Variants in COL12A1 observed in about 807,000 individuals in gnomAD.
The protein encoded by COL12A1 is collagen type XII alpha 1 chain, also known as collagen alpha-1(XII) chain.
In COL12A1, 114 loss-of-function variants were observed where a neutral mutation model predicts 349.7. The ratio of observed to expected loss-of-function variants is 0.33; its 90% CI spans 0.28 to 0.38. The LOEUF is 0.38. Ranked by LOEUF, COL12A1 falls within the 10% of genes least tolerant of loss-of-function variation. The pLI, the probability that COL12A1 is intolerant of heterozygous loss-of-function variation, is 1.00. For synonymous variants in COL12A1, 1,369 were observed against 1,329.0 expected (o/e 1.03, Z -0.66); for missense variants, 3,284 against 3,756.9 (o/e 0.87, Z 3.29).
At chr6:75,138,726 T>C (rs1766749323) in intron 28 of COL12A1, 96 bp downstream of exon 28, 2 of 1,570,862 alleles carry the variant, frequency 1.3e-6, no homozygotes, top group Non-Finnish European at 1.7e-6. Flanking sequence ...CAATAAATGC[T>C]TATTGACAAC....
At chr6:75,152,588 A>G (rs1767550002) in intron 17 of COL12A1, 106 bp from the exon 18 acceptor site, 2 of 1,278,260 alleles carry the variant, frequency 1.6e-6, no homozygotes, top group African/African-American at 1.5e-5. Context: ...TGCCTGTCTC[A>G]GTACTATGGT....
chr6:75,149,260 T>C (rs1385258169), intron 21 of COL12A1, among the ~76,000 whole-genome samples: 6 of 152,166 alleles, frequency 3.9e-5, no homozygotes. Flanking sequence ...CCATTGTCCC[T>C]ATCACTATTG....
intron 14 of COL12A1, 21 bp from the exon 15 acceptor site, chr6:75,156,544 T>G (rs1767778398): frequency 6.2e-7 from 1 of 1,610,392 alleles, no homozygotes; most frequent in Non-Finnish European, 8.5e-7. Flanking sequence ...AAAGGAAGAT[T>G]AAACTGTATA....
In COL12A1 at chr6:75,143,264, C is replaced by T. The variant is rs567079114; in HGVS notation, c.4815G>A (p.Glu1605=). Residue 1605 remains glutamate, a synonymous_variant, in exon 26 of 66, where the codon GAG becomes GAA. Transcript: ENST00000322507. Reference sequence around the variant, plus strand: ...ATCTTCAACCTACCTCTTTGACATCCTCTTCTGGTGTTTTGTATCGAACAA... The same window carrying T: ...ATCTTCAACCTACCTCTTTGACATCTTCTTCTGGTGTTTTGTATCGAACAA... ...KYIVRYKTPE[E]DVKEVEVDRS... is the part of the protein sequence containing the mutation. 9.4e-5 allele frequency: 151 copies of T among 1,613,792 alleles called. 2 individuals are homozygous for T. The South Asian group carries it at 1.6e-3, about 17-fold the overall frequency.
chr6:75,146,624 AT>A (rs1336254119), intron 23 of COL12A1, among the ~76,000 whole-genome samples: 1 of 152,148 alleles, frequency 6.6e-6, no homozygotes, highest in Non-Finnish European at 1.5e-5. Flanking sequence ...AATCAACACT[AT>A]TTTTTATATT....
intron 22 of COL12A1, 95 bp from the exon 23 acceptor site, chr6:75,147,899 A>G: frequency 1.5e-6 from 2 of 1,314,310 alleles, no homozygotes; most frequent in Non-Finnish European, 2.1e-6. Context: ...GTGAGCTTAG[A>G]ATCTATATTT....
chr6:75,122,249 T>G (rs911408272), intron 43 of COL12A1, among the ~76,000 whole-genome samples: 1 of 152,192 alleles, frequency 6.6e-6, no homozygotes, highest in Non-Finnish European at 1.5e-5. Flanking sequence ...CCAAAAACAA[T>G]TAACAAAATT....
chr6:75,157,519 G>A (rs1254591966), intron 14 of COL12A1, among the ~76,000 whole-genome samples: 2 of 151,984 alleles, frequency 1.3e-5, no homozygotes, highest in Admixed American at 6.6e-5. Context: ...TGATCCCTAA[G>A]AGAGATAAGG....
intron 7 of COL12A1, 134 bp downstream of exon 7, chr6:75,189,083 T>G: frequency 2.1e-6 from 2 of 958,658 alleles, no homozygotes; most frequent in Non-Finnish European, 3.0e-6. Flanking sequence ...TTTAAGTCTT[T>G]AATATTACAC....
At chr6:75,089,062 C>A (rs768754840) in intron 64 of COL12A1, 44 bp downstream of exon 64, 2 of 1,362,934 alleles carry the variant, frequency 1.5e-6, no homozygotes, top group Admixed American at 1.8e-5. Flanking sequence ...TGTGCCCTCT[C>A]GGTATTTATA....
chr6:75,124,147 G>T (rs765199529), intron 41 of COL12A1, 53 bp from the exon 42 acceptor site: 35 of 1,595,096 alleles, frequency 2.2e-5, no homozygotes, highest in Non-Finnish European at 1.5e-5. Flanking sequence ...TATATTTCAA[G>T]AAAATTTTAT....
chr6:75,109,213 A>C (rs1163585723), intron 51 of COL12A1, 46 bp from the exon 52 acceptor site: 7 of 1,389,148 alleles, frequency 5.0e-6, no homozygotes, highest in Non-Finnish European at 6.9e-6. Context: ...ACACTAAAAA[A>C]ATTAGCTGAC....
intron 38 of COL12A1, 103 bp from the exon 39 acceptor site, chr6:75,126,573 A>G: frequency 8.3e-7 from 1 of 1,207,682 alleles, no homozygotes; most frequent in South Asian, 1.6e-5. Context: ...GAGCAATTTC[A>G]TAATATCCCA....
At chr6:75,103,577 C>A (rs928211542) in intron 55 of COL12A1, among the ~76,000 whole-genome samples, 180 bp downstream of exon 55, 1 of 152,184 alleles carries the variant, frequency 6.6e-6, no homozygotes, top group Non-Finnish European at 1.5e-5. Context: ...GCATTTCTTT[C>A]TCTGGCTAGT....
chr6:75,176,364 T>A (rs577884549), intron 12 of COL12A1, among the ~76,000 whole-genome samples: 16 of 114,152 alleles, frequency 1.4e-4, no homozygotes, highest in African/African-American at 4.9e-4. Flanking sequence ...AGAGGGATGC[T>A]GTGGGAGGTG....
rs769824937 is a variant in COL12A1 at position 75,183,489 on chromosome 6, G to A, written c.1452C>T (p.Tyr484=). The A allele has an allele frequency of 4.3e-6, 7 of 1,614,036 alleles. No individual in the cohort carries two copies. Among genetic ancestry groups the A allele is most frequent in the Non-Finnish European group, 5.1e-6 (6 of 1,180,020 alleles). Residue 484 remains tyrosine (Y), a synonymous_variant, in exon 10 of 66, where the codon TAC becomes TAT. Coordinates refer to ENST00000322507, the MANE Select transcript of COL12A1 (RefSeq NM_004370.6). ...TGAACTCAGTATGAGGATCCCGGCT[G>A]TATTGCACAAGACTAATCTGGACCC... ...PNRVQISLVQ[Y]SRDPHTEFTL... is the part of the protein sequence containing the mutation.
At chr6:75,189,509 C>T (rs766728206) in intron 6 of COL12A1, 43 bp downstream of exon 6, 1 of 1,587,096 alleles carries the variant, frequency 6.3e-7, no homozygotes, top group East Asian at 2.2e-5. Context: ...CTGAAACAGA[C>T]ATTTCATTTA....
rs372068116 is a variant in COL12A1, at chr6:75,119,095, G to A, written c.7302C>T (p.Asp2434=). 2.8e-5 allele frequency: 45 copies of A among 1,613,756 alleles called. No homozygotes were observed. The highest frequency in any genetic ancestry group is 1.9e-4 in the African/African-American group (14 of 74,880). The part of the protein sequence containing the change: ...NVPKVLVVVT[D]GRSQDEVKKA... The stretch of plus-strand genomic sequence containing the variant: ...TCTTGACCTCATCCTGGGACCGACC[G>A]TCCGTGACCACAACCAACACCTTAG... Residue 2434 remains aspartate (D), a synonymous_variant, in exon 46 of 66, where the codon GAC becomes GAT. Coordinates refer to ENST00000322507, the MANE Select transcript of COL12A1 (RefSeq NM_004370.6).
chr6:75,166,034 T>G (rs1562260878), intron 13 of COL12A1, among the ~76,000 whole-genome samples: 1 of 152,218 alleles, frequency 6.6e-6, no homozygotes, highest in East Asian at 1.9e-4. Flanking sequence ...ATCTTGTCCT[T>G]CAGGACAAGA....
Sources: gnomAD v4.1 joint callset for allele counts (sites outside exome capture counted in the v4.1 genomes callset) on GRCh38, gnomAD v4.1.1 for gene constraint, MANE v1.5 for transcripts, NCBI Gene and HGNC (gene_info 2026-07-23, HGNC 2026-07-21) for gene names.